The following GNPTAB variants were observed in gnomAD, a reference collection of about 807,000 sequenced individuals.
GNPTAB encodes N-acetylglucosamine-1-phosphate transferase subunits alpha and beta.
A neutral mutation model predicts 136.6 loss-of-function variants in GNPTAB; 92 were observed. That is an observed-to-expected ratio of 0.67 (90% CI 0.57 to 0.80). The LOEUF is 0.80. Among genes scored for constraint, GNPTAB ranks in the 30% least tolerant of loss-of-function variants. The pLI, the probability that GNPTAB is intolerant of heterozygous loss-of-function variation, is 0.00. For synonymous variants in GNPTAB, 512 were observed against 535.1 expected, an observed-to-expected ratio of 0.96 and a Z score of 0.60; for missense variants, 1,343 against 1,501.8, an observed-to-expected ratio of 0.89 and a Z score of 1.75.
At chr12:101,801,321 C>G (rs150471108) in intron 1 of GNPTAB, among the ~76,000 whole-genome samples, 52 of 145,432 alleles carry the variant, frequency 3.6e-4, no homozygotes, top group African/African-American at 1.2e-3. Flanking sequence ...GTGGGTGGAT[C>G]ACTTGAGCCC....
At chr12:101,814,672 G>A (rs1044580285) in intron 1 of GNPTAB, among the ~76,000 whole-genome samples, 12 of 152,098 alleles carry the variant, frequency 7.9e-5, no homozygotes, top group African/African-American at 2.9e-4. Context: ...ACTCCAGCCT[G>A]GGCAACAGAG....
intron 5 of GNPTAB, among the ~76,000 whole-genome samples, chr12:101,784,680 GAA>G (rs5800486): frequency 7.2e-6 from 1 of 139,836 alleles, no homozygotes; most frequent in Admixed American, 7.3e-5. Context: ...GAATCATGTG[GAA>G]AAAAAAAAAA....
chr12:101,817,443 T>C (rs1870564850), intron 1 of GNPTAB, among the ~76,000 whole-genome samples: 1 of 151,714 alleles, frequency 6.6e-6, no homozygotes, highest in Non-Finnish European at 1.5e-5. Context: ...AAGTTTTGTA[T>C]TTTTTTGTAG....
chr12:101,767,514 T>G (rs1283281584), intron 11 of GNPTAB, among the ~76,000 whole-genome samples: 1 of 152,214 alleles, frequency 6.6e-6, no homozygotes, highest in Non-Finnish European at 1.5e-5. Flanking sequence ...TTTCATATTT[T>G]AAATAAGAAG....
chr12:101,800,351 TA>T (rs994862509), intron 1 of GNPTAB, among the ~76,000 whole-genome samples: 12 of 151,040 alleles, frequency 7.9e-5, no homozygotes, highest in South Asian at 6.3e-4. Flanking sequence ...ATTTTTTAAT[TA>T]AAAAAAAATT....
At chr12:101,775,365 C>CTT (rs56347934) in intron 7 of GNPTAB, among the ~76,000 whole-genome samples, 4,425 of 143,296 alleles carry the variant, frequency 0.031, 174 homozygotes, top group African/African-American at 0.075. Context: ...TCTTTTTTTT[C>CTT]TTTTTTTTTT....
intron 1 of GNPTAB, among the ~76,000 whole-genome samples, chr12:101,812,811 T>G (rs1459582300): frequency 1.3e-5 from 2 of 152,096 alleles, no homozygotes; most frequent in African/African-American, 2.4e-5. Context: ...TATTTATTTA[T>G]TTTTGATTGT....
intron 19 of GNPTAB, among the ~76,000 whole-genome samples, chr12:101,751,108 G>T (rs1468911094): frequency 6.6e-6 from 1 of 152,150 alleles, no homozygotes; most frequent in Non-Finnish European, 1.5e-5. Context: ...TCTCCTGGGG[G>T]TCCATTCTCA....
rs1327071163 is a variant in GNPTAB, at chr12:101,761,625, T to C, written c.2854A>G (p.Lys952Glu). 6.2e-7 allele frequency: 1 copy of C among 1,614,196 alleles called. No homozygotes were observed. Among genetic ancestry groups the C allele is most frequent in the Admixed American group, 1.7e-5 (1 of 60,026 alleles). ...LNSKFGFTSR[K>E]VPAHMPHMID... The stretch of plus-strand genomic sequence containing the variant: ...ATGTGAGGCATGTGAGCAGGGACTT[T>C]CCGCGATGTGAATCCAAACTTGCTA... Residue 952 changes from lysine to glutamate, a missense_variant, in exon 14 of 21, where the codon AAA becomes GAA. By Grantham distance (56) the Lys-to-Glu change is moderately conservative. Coordinates refer to ENST00000299314, the MANE Select transcript of GNPTAB (RefSeq NM_024312.5).
chr12:101,772,799 G>C (rs771772759), intron 7 of GNPTAB, among the ~76,000 whole-genome samples: 1 of 152,048 alleles, frequency 6.6e-6, no homozygotes, highest in African/African-American at 2.4e-5. Context: ...CACTATTCTA[G>C]AACAATTTAT....
chr12:101,830,437 C>A (rs1205342354), intron 1 of GNPTAB, 122 bp downstream of exon 1: 3 of 666,414 alleles, frequency 4.5e-6, no homozygotes, highest in Non-Finnish European at 8.3e-6. Flanking sequence ...CCAGCCTGGG[C>A]AACATGGCAA....
chr12:101,828,519 TGTG>T (rs1335269036), intron 1 of GNPTAB, among the ~76,000 whole-genome samples: 1 of 151,880 alleles, frequency 6.6e-6, no homozygotes, highest in African/African-American at 2.4e-5. Flanking sequence ...ATTAGCCAGG[TGTG>T]GTGGCACGCA....
rs374594462 is a variant in GNPTAB, at chr12:101,769,018, A to T, written c.1285-858T>A. The stretch of plus-strand genomic sequence containing the variant: ...AGTCTGATACAGAGGAGACAACTCA[A>T]TAGGGGAACAGGAGAATGGGCCTGG... On this transcript the variant is annotated intron_variant, in intron 10 of 20. Transcript: ENST00000299314. 1.1e-4 allele frequency among the ~76,000 whole-genome samples: 16 copies of T among 152,344 alleles called. No homozygotes were observed. In the East Asian group the frequency reaches 2.3e-3, roughly 22 times the overall value.
At chr12:101,789,370 C>T (rs928370832) in intron 3 of GNPTAB, among the ~76,000 whole-genome samples, 7 of 152,148 alleles carry the variant, frequency 4.6e-5, no homozygotes, top group Admixed American at 2.0e-4. Flanking sequence ...GCCAAGATCT[C>T]GTAATGGCAT....
chr12:101,749,715 G>C (rs1466268387), intron 19 of GNPTAB, among the ~76,000 whole-genome samples: 1 of 152,260 alleles, frequency 6.6e-6, no homozygotes, highest in Admixed American at 6.5e-5. Flanking sequence ...GGCATTTCCT[G>C]TAAGCCTTGA....
chr12:101,753,572 C>T (rs760650770), intron 18 of GNPTAB, 33 bp from the exon 19 acceptor site: 2 of 1,564,940 alleles, frequency 1.3e-6, no homozygotes, highest in East Asian at 4.5e-5. Context: ...TTATTAGTTA[C>T]ATATGGATAA....
At chr12:101,794,554 G>GTATC in intron 2 of GNPTAB, among the ~76,000 whole-genome samples, 1 of 151,958 alleles carries the variant, frequency 6.6e-6, no homozygotes, top group African/African-American at 2.4e-5. Context: ...ATATATCAAT[G>GTATC]TTATGGTATC....
intron 18 of GNPTAB, chr12:101,756,506 C>T (rs1214704543): frequency 5.1e-6 from 2 of 392,042 alleles, no homozygotes; most frequent in Non-Finnish European, 1.0e-5. Context: ...CCCACGAGGT[C>T]GAGGCTACAG....
chr12:101,823,333 G>C (rs1450024553), intron 1 of GNPTAB, among the ~76,000 whole-genome samples: 1 of 152,214 alleles, frequency 6.6e-6, no homozygotes, highest in Non-Finnish European at 1.5e-5. Flanking sequence ...GTTAAGGCCA[G>C]GCGCAGTGGC....
Sources: gnomAD v4.1 joint callset for allele counts (sites outside exome capture counted in the v4.1 genomes callset) on GRCh38, gnomAD v4.1.1 for gene constraint, MANE v1.5 for transcripts, NCBI Gene and HGNC (gene_info 2026-07-23, HGNC 2026-07-21) for gene names.